The following MBTPS1 variants were observed in gnomAD, a reference collection of about 807,000 sequenced individuals.
MBTPS1 encodes the protein membrane-bound transcription factor site-1 protease.
A neutral mutation model predicts 127.8 loss-of-function variants in MBTPS1; 94 were observed. The ratio of observed to expected loss-of-function variants is 0.74; its 90% CI spans 0.62 to 0.87. The LOEUF is 0.87. MBTPS1 is among the 40% of genes least tolerant of loss of function. MBTPS1 has a pLI of 0.00. For missense variants in MBTPS1, 1,636 were observed against 1,353.2 expected (o/e 1.21, Z -3.28); for synonymous variants, 632 against 509.4 (o/e 1.24, Z -3.24).
chr16:84,068,007 GACTA>G (rs2085712775), intron 15 of MBTPS1, among the ~76,000 whole-genome samples, 184 bp from the exon 16 acceptor site: 1 of 152,240 alleles, frequency 6.6e-6, no homozygotes, highest in African/African-American at 2.4e-5. Context: ...AATACACAGC[GACTA>G]ACTGTGATCT....
intron 1 of MBTPS1, among the ~76,000 whole-genome samples, chr16:84,113,836 G>C (rs1158500052): frequency 6.6e-6 from 1 of 152,024 alleles, no homozygotes; most frequent in Non-Finnish European, 1.5e-5. Flanking sequence ...CCAATTAAAA[G>C]TCGGCTGAAA....
At chr16:84,055,031 T>C (rs1311360671) in intron 22 of MBTPS1, among the ~76,000 whole-genome samples, 1 of 152,084 alleles carries the variant, frequency 6.6e-6, no homozygotes, top group African/African-American at 2.4e-5. Context: ...AGGAGGGGCC[T>C]GTGGTTCCAG....
intron 1 of MBTPS1, among the ~76,000 whole-genome samples, chr16:84,111,537 T>A (rs1310145412): frequency 1.5e-5 from 2 of 134,980 alleles, no homozygotes; most frequent in African/African-American, 5.4e-5. Flanking sequence ...AGAGACTCCA[T>A]CTCAAAAAAA....
At position 84,095,658 on chromosome 16, in the gene MBTPS1, G is replaced by A. The variant is rs138035660; in HGVS notation, c.569C>T (p.Pro190Leu). Reference protein sequence around the residue: ...HSSRRLLRAIPRQVAQTLQAD... With the variant: ...HSSRRLLRAILRQVAQTLQAD... ...CTGCAGTGTCTGGGCAACCTGGCGC[G>A]GGATGGCTCTCAGCAGCCGTCTGCT... Residue 190 changes from proline (P) to leucine (L), a missense_variant, in exon 4 of 23, where the codon CCG becomes CTG. Pro to Leu is a moderately conservative substitution (Grantham distance 98). Transcript: ENST00000343411. The A allele has an allele frequency of 8.7e-5, 140 of 1,614,090 alleles. No homozygotes were observed. Among genetic ancestry groups the A allele is most frequent in the Non-Finnish European group, 1.1e-4 (128 of 1,180,038 alleles).
intron 1 of MBTPS1, among the ~76,000 whole-genome samples, chr16:84,110,422 G>T (rs1005748563): frequency 1.3e-5 from 2 of 151,934 alleles, no homozygotes; most frequent in African/African-American, 4.8e-5. Context: ...TGTTTATTAA[G>T]TTAACAAATC....
intron 12 of MBTPS1, among the ~76,000 whole-genome samples, 186 bp from the exon 13 acceptor site, chr16:84,070,962 C>G (rs146198494): frequency 1.3e-5 from 2 of 152,170 alleles, no homozygotes; most frequent in African/African-American, 4.8e-5. Flanking sequence ...CTGCCTCGGA[C>G]GTATCACTAG....
chr16:84,059,100 A>G (rs1308725119), intron 21 of MBTPS1, among the ~76,000 whole-genome samples: 2 of 152,248 alleles, frequency 1.3e-5, no homozygotes, highest in African/African-American at 2.4e-5. Context: ...CTAATTATCC[A>G]AAGCACTTTT....
rs199758639 is a variant in MBTPS1, at chr16:84,074,705, G to C, written c.1485C>G (p.Pro495=). The change falls in exon 12 of 23, where the codon CCC becomes CCG. Residue 495 remains proline (P), a synonymous_variant. Coordinates refer to ENST00000343411, the MANE Select transcript of MBTPS1 (RefSeq NM_003791.4). ...SPSYIDLTEC[P]YMWPYCSQPI... The stretch of plus-strand genomic sequence containing the variant: ...GCTGGGAGCAGTAGGGCCACATGTA[G>C]GGACACTCAGTCAGATCTATGTAGC... 1.9e-6 allele frequency: 3 copies of C among 1,614,102 alleles called. No individual in the cohort carries two copies. The highest frequency in any genetic ancestry group is 1.7e-5 in the Admixed American group (1 of 60,016).
chr16:84,096,188 A>T (rs2086177432), intron 3 of MBTPS1, among the ~76,000 whole-genome samples: 1 of 152,164 alleles, frequency 6.6e-6, no homozygotes, highest in Non-Finnish European at 1.5e-5. Context: ...GACCCTAAGC[A>T]TTCATTGAGT....
At chr16:84,077,026 G>C (rs569884167) in intron 11 of MBTPS1, among the ~76,000 whole-genome samples, 1 of 152,084 alleles carries the variant, frequency 6.6e-6, no homozygotes. Flanking sequence ...AGGAGTTGAA[G>C]ACCAGCCTGG....
intron 21 of MBTPS1, 127 bp from the exon 22 acceptor site, chr16:84,056,262 G>A (rs146584631): frequency 1.4e-6 from 1 of 712,590 alleles, no homozygotes; most frequent in Non-Finnish European, 2.3e-6. Flanking sequence ...AATGCCATTT[G>A]CGTCCACGGC....
At chr16:84,066,453 C>T (rs769286110) in intron 17 of MBTPS1, 36 bp downstream of exon 17, 2 of 1,610,784 alleles carry the variant, frequency 1.2e-6, no homozygotes. Flanking sequence ...TCTGCTCTCA[C>T]ACCTAAGACC....
At position 84,065,691 on chromosome 16, in the gene MBTPS1, T is replaced by C; in HGVS notation, c.2430A>G (p.Gln810=). ...AGGCCCATGAATGGCATCCTTTACC[T>C]TGGTCCTTGAAAGTCTGTGTTATCA... The part of the protein sequence containing the change: ...GVVITQTFKD[Q]GLEVLKQETA... Residue 810 remains glutamine, a splice_region_variant and synonymous_variant, in exon 18 of 23, where the codon CAA becomes CAG. Transcript: ENST00000343411. The C allele has an allele frequency of 3.1e-6, 5 of 1,611,536 alleles. No homozygotes were observed. The highest frequency in any genetic ancestry group is 3.4e-6 in the Non-Finnish European group (4 of 1,177,922).
chr16:84,079,984 T>G (rs1200401543), intron 11 of MBTPS1, among the ~76,000 whole-genome samples: 1 of 152,200 alleles, frequency 6.6e-6, no homozygotes, highest in African/African-American at 2.4e-5. Context: ...AAGAGCTGCT[T>G]GGAGACAGAA....
At chr16:84,112,216 CA>C (rs902160373) in intron 1 of MBTPS1, among the ~76,000 whole-genome samples, 1 of 151,072 alleles carries the variant, frequency 6.6e-6, no homozygotes, top group African/African-American at 2.4e-5. Context: ...ACAATGACAA[CA>C]AAAAAAACCA....
chr16:84,115,801 A>G (rs7198848), intron 1 of MBTPS1, among the ~76,000 whole-genome samples: 117,884 of 152,142 alleles, frequency 0.77, 46,066 homozygotes, highest in East Asian at 0.88. Context: ...TGGATTTGGT[A>G]GTGGCTGTGC....
rs2085597252 is a variant in MBTPS1, at chr16:84,060,718, T to C, written c.2668A>G (p.Ser890Gly). The C allele has an allele frequency of 1.2e-6, 2 of 1,613,768 alleles. No individual in the cohort carries two copies. Among genetic ancestry groups the C allele is most frequent in the Middle Eastern group, 1.6e-4 (1 of 6,082 alleles). ...SHSGNRQRPP[S>G]GAGSVTPERM... ...TCTGGAGTGACTGAGCCTGCTCCAC[T>C]GGGAGGGCGCTGGCGGTTCCCAGAG... The change falls in exon 20 of 23, where the codon AGT (serine) becomes GGT (glycine). Residue 890 changes from serine to glycine, a missense_variant. Transcript: ENST00000343411.
chr16:84,104,488 A>G (rs941231859), intron 1 of MBTPS1, among the ~76,000 whole-genome samples: 5 of 152,182 alleles, frequency 3.3e-5, no homozygotes. Flanking sequence ...CAAACAAACA[A>G]AAAAGCCTCT....
At chr16:84,103,241 TTTATTA>T (rs200635664) in intron 1 of MBTPS1, among the ~76,000 whole-genome samples, 47 of 149,584 alleles carry the variant, frequency 3.1e-4, no homozygotes, top group African/African-American at 9.1e-4. Context: ...TACTTAGGAT[TTTATTA>T]TTATTATTAT....
Sources: gnomAD v4.1 joint callset for allele counts (sites outside exome capture counted in the v4.1 genomes callset) on GRCh38, gnomAD v4.1.1 for gene constraint, MANE v1.5 for transcripts, NCBI Gene and HGNC (gene_info 2026-07-23, HGNC 2026-07-21) for gene names.